Variants in FGF14 observed in about 807,000 individuals in gnomAD.
FGF14 encodes the protein fibroblast growth factor 14.
Under a neutral mutation model 25.5 loss-of-function variants are expected in FGF14, and 5 were observed. The observed-to-expected ratio is 0.20, with a 90% confidence interval of 0.10 to 0.41. The LOEUF is 0.41. FGF14 is among the 10% of genes least tolerant of loss of function. FGF14 has a pLI of 1.00. For missense variants in FGF14, 222 were observed against 320.1 expected (o/e 0.69, Z 2.34); for synonymous variants, 138 against 118.3 (o/e 1.17, Z -1.08).
chr13:102,021,884 A>G (rs1034622730), intron 1 of FGF14, among the ~76,000 whole-genome samples: 1 of 152,082 alleles, frequency 6.6e-6, no homozygotes, highest in Non-Finnish European at 1.5e-5. Context: ...CTAATAGATC[A>G]TAAGCAACTA....
chr13:102,351,435 C>T (rs1331939574), intron 1 of FGF14, among the ~76,000 whole-genome samples: 1 of 152,264 alleles, frequency 6.6e-6, no homozygotes, highest in Admixed American at 6.5e-5. Context: ...CATTGGAAAT[C>T]TTCAGAGAGT....
intron 1 of FGF14, among the ~76,000 whole-genome samples, chr13:102,112,324 G>A (rs2140326791): frequency 6.6e-6 from 1 of 152,226 alleles, no homozygotes; most frequent in South Asian, 2.1e-4. Flanking sequence ...GGTGGGGCAG[G>A]GGTGAGAAGC....
chr13:101,921,384 C>T (rs570558882), upstream of FGF14, among the ~76,000 whole-genome samples: 127 of 152,288 alleles, frequency 8.3e-4, no homozygotes, highest in African/African-American at 3.0e-3. Context: ...CATGAACGAA[C>T]TACTGTTCTT....
At chr13:101,963,564 A>C (rs1188590174) in intron 1 of FGF14, among the ~76,000 whole-genome samples, 1 of 152,180 alleles carries the variant, frequency 6.6e-6, no homozygotes, top group African/African-American at 2.4e-5. Flanking sequence ...CAAAATATGC[A>C]ATAGCTCTTC....
chr13:101,845,941 G>A (rs192051135), intron 3 of FGF14, among the ~76,000 whole-genome samples: 29 of 152,054 alleles, frequency 1.9e-4, no homozygotes, highest in Non-Finnish European at 3.7e-4. Flanking sequence ...ATATCTGGTC[G>A]AAGTGCCAAT....
intron 1 of FGF14, among the ~76,000 whole-genome samples, chr13:102,010,758 G>A (rs2040035897): frequency 1.3e-5 from 2 of 152,152 alleles, no homozygotes; most frequent in South Asian, 2.1e-4. Flanking sequence ...CCAGATTACT[G>A]TATTTTAGAT....
rs1029120398 is a variant in FGF14 at position 101,721,350 on chromosome 13, G to GTGTT, written c.*1477_*1480dup. The GTGTT allele has an allele frequency of 2.6e-5, 4 of 151,932 alleles. No individual in the cohort carries two copies. The highest frequency in any genetic ancestry group is 4.2e-4 in the South Asian group (2 of 4,808). The allele number at this position is 151,932 out of a possible 1,614,324, so 9.4% of individuals were successfully genotyped here. ...TGTCTTCCCTAAGCTCAAACAAACA[G>GTGTT]TGTTAAACTAAAAAGGAAATTAAGA... On this transcript the variant is annotated 3_prime_UTR_variant, in exon 5 of 5. Transcript: ENST00000376143.
At chr13:101,883,768 G>T (rs2045839902) in intron 1 of FGF14, among the ~76,000 whole-genome samples, 1 of 151,960 alleles carries the variant, frequency 6.6e-6, no homozygotes, top group South Asian at 2.1e-4. Context: ...TCACTTTAAA[G>T]ATAAGAAAAT....
At chr13:102,006,549 C>T (rs1323798630) in intron 1 of FGF14, among the ~76,000 whole-genome samples, 1 of 152,040 alleles carries the variant, frequency 6.6e-6, no homozygotes, top group East Asian at 1.9e-4. Context: ...GTAGAAACTC[C>T]TGACCTTTTT....
chr13:102,072,895 A>G (rs1280313620), intron 1 of FGF14, among the ~76,000 whole-genome samples: 1 of 152,224 alleles, frequency 6.6e-6, no homozygotes, highest in African/African-American at 2.4e-5. Context: ...GGCAATAGAA[A>G]GTGGTGATAT....
chr13:101,726,842 G>A, intron 3 of FGF14, 32 bp from the exon 4 acceptor site: 3 of 1,481,786 alleles, frequency 2.0e-6, no homozygotes, highest in Admixed American at 1.8e-5. Flanking sequence ...AAAGTTAGAG[G>A]AAGGAACTTG....
At chr13:101,769,831 A>AG (rs2038645222) in intron 3 of FGF14, among the ~76,000 whole-genome samples, 1 of 152,166 alleles carries the variant, frequency 6.6e-6, no homozygotes, top group Admixed American at 6.6e-5. Context: ...GGCAGAGCAC[A>AG]GAAGATTTTT....
Position 102,320,912 on chromosome 13 carries a change from A to G in FGF14, c.208+80559T>C, listed in dbSNP as rs996726270. ...ACCTTTCACACTGAATTCTTAGCCA[A>G]CTCTACATAAAATAGACTCCCAATA... On this transcript the variant is annotated intron_variant, in intron 1 of 4. Coordinates refer to the FGF14 transcript ENST00000376131. Among the ~76,000 whole-genome samples the G allele has an allele frequency of 3.9e-5, 6 of 152,228 alleles. No homozygotes were observed. In the South Asian group the frequency reaches 1.2e-3, roughly 32 times the overall value.
chr13:101,982,311 T>C (rs1376923503), intron 1 of FGF14, among the ~76,000 whole-genome samples: 4 of 152,328 alleles, frequency 2.6e-5, no homozygotes, highest in African/African-American at 9.6e-5. Context: ...CTAAAAGTAT[T>C]TGATTGTTCA....
chr13:102,130,086 G>C (rs898118206), intron 1 of FGF14, among the ~76,000 whole-genome samples: 1 of 152,104 alleles, frequency 6.6e-6, no homozygotes, highest in Non-Finnish European at 1.5e-5. Flanking sequence ...TCCATACTAG[G>C]AACTCAGTAG....
intron 1 of FGF14, among the ~76,000 whole-genome samples, chr13:102,130,189 A>C (rs1019468626): frequency 2.6e-5 from 4 of 152,174 alleles, no homozygotes; most frequent in African/African-American, 9.7e-5. Flanking sequence ...CCCGGGGAAG[A>C]AGCTGAACAA....
At chr13:102,140,128 C>T (rs1370242707) in intron 1 of FGF14, among the ~76,000 whole-genome samples, 2 of 139,258 alleles carry the variant, frequency 1.4e-5, no homozygotes, top group Non-Finnish European at 3.0e-5. Context: ...TTTGGAGAAT[C>T]TTATTAGTTG....
chr13:102,155,273 C>G (rs962840487), intron 1 of FGF14, among the ~76,000 whole-genome samples: 1 of 152,200 alleles, frequency 6.6e-6, no homozygotes, highest in African/African-American at 2.4e-5. Context: ...GTAAAGCACT[C>G]CTCAGCAAAT....
chr13:102,300,982 T>C (rs1288181460), intron 1 of FGF14, among the ~76,000 whole-genome samples: 1 of 150,982 alleles, frequency 6.6e-6, no homozygotes, highest in Non-Finnish European at 1.5e-5. Context: ...CTTAACAACA[T>C]TTCAAATTGA....
Sources: allele counts gnomAD v4.1 joint callset (sites outside exome capture counted in the v4.1 genomes callset), GRCh38; gene constraint gnomAD v4.1.1; transcripts MANE v1.5; gene names NCBI Gene and HGNC (gene_info 2026-07-23, HGNC 2026-07-21).